The following EXOC6 variants were observed in gnomAD, a reference collection of about 807,000 sequenced individuals.
EXOC6 encodes the protein SEC15-like 1.
A neutral mutation model predicts 112.5 loss-of-function variants in EXOC6; 60 were observed. That is an observed-to-expected ratio of 0.53 (90% CI 0.43 to 0.66). EXOC6 has a LOEUF of 0.66. Among genes scored for constraint, EXOC6 ranks in the 30% least tolerant of loss-of-function variants. The pLI is 0.00. For synonymous variants in EXOC6, 295 were observed against 308.0 expected (o/e 0.96, Z 0.44); for missense variants, 855 against 957.1 (o/e 0.89, Z 1.41).
chr10:92,855,734 C>G (rs914850014), intron 1 of EXOC6, among the ~76,000 whole-genome samples: 5 of 151,958 alleles, frequency 3.3e-5, no homozygotes, highest in African/African-American at 1.2e-4. Flanking sequence ...GTAACATTCT[C>G]TCTTTTGTTC....
intron 15 of EXOC6, among the ~76,000 whole-genome samples, 169 bp downstream of exon 15, chr10:92,952,551 G>A (rs1281021409): frequency 2.6e-5 from 4 of 152,092 alleles, no homozygotes; most frequent in South Asian, 2.1e-4. Flanking sequence ...ATGCTTGAAC[G>A]TGTCACCCAG....
At chr10:92,867,796 A>G (rs1848251527) in intron 1 of EXOC6, among the ~76,000 whole-genome samples, 1 of 152,206 alleles carries the variant, frequency 6.6e-6, no homozygotes, top group Non-Finnish European at 1.5e-5. Context: ...ACTGGTCAGT[A>G]TCCACAGGGC....
At chr10:92,916,109 T>C in intron 7 of EXOC6, 196 bp downstream of exon 7, 1 of 422,162 alleles carries the variant, frequency 2.4e-6, no homozygotes. Flanking sequence ...AGGGCTGTCA[T>C]GGACGATTAG....
At chr10:92,890,404 GCATT>G (rs1480276333) in intron 1 of EXOC6, among the ~76,000 whole-genome samples, 3 of 126,650 alleles carry the variant, frequency 2.4e-5, no homozygotes, top group Non-Finnish European at 5.2e-5. Context: ...ATTAATTCAT[GCATT>G]TATTAATGAA....
At chr10:92,947,219 A>G (rs58753829) in intron 13 of EXOC6, among the ~76,000 whole-genome samples, 4,182 of 152,300 alleles carry the variant, frequency 0.027, 159 homozygotes, top group East Asian at 0.15. Context: ...ACAGAAACCC[A>G]CGATAGGTTT....
At chr10:92,929,369 A>G (rs1033999334) in intron 9 of EXOC6, among the ~76,000 whole-genome samples, 5 of 152,222 alleles carry the variant, frequency 3.3e-5, no homozygotes, top group Admixed American at 2.0e-4. Flanking sequence ...CTCAAGCTCA[A>G]CATTTCAAGT....
Position 92,840,818 on chromosome 10 carries a change from T to C in EXOC6, c.86+5994T>C, listed in dbSNP as rs112638885. On this transcript the variant is annotated intron_variant, in intron 1 of 21. Transcript: ENST00000371552. ...AACCACAGGTGTGTGCCACCATGCC[T>C]GGCTAGTTTTTGTATTTTTTGTAGA... Among the ~76,000 whole-genome samples, 1,314 of 151,834 alleles carry C rather than the reference T, an allele frequency of 8.7e-3. 11 individuals are homozygous for C. Among genetic ancestry groups the C allele is most frequent in the Non-Finnish European group, 0.012 (832 of 67,926 alleles).
At chr10:92,884,063 A>AT (rs566636454) in intron 1 of EXOC6, among the ~76,000 whole-genome samples, 352 of 151,956 alleles carry the variant, frequency 2.3e-3, no homozygotes, top group African/African-American at 8.3e-3. Flanking sequence ...CAACTGGCTA[A>AT]TTTTTTTGTA....
intron 20 of EXOC6, among the ~76,000 whole-genome samples, chr10:93,022,129 C>T (rs530451754): frequency 6.6e-6 from 1 of 152,312 alleles, no homozygotes; most frequent in South Asian, 2.1e-4. Context: ...GTTACTAAGA[C>T]ATACTTATAA....
intron 20 of EXOC6, among the ~76,000 whole-genome samples, chr10:93,019,641 T>C (rs1259956112): frequency 6.6e-6 from 1 of 152,154 alleles, no homozygotes; most frequent in African/African-American, 2.4e-5. Context: ...GTTGACTTTA[T>C]AAAGCCAATA....
At chr10:92,948,101 TTTG>T (rs1853146645) in intron 13 of EXOC6, 170 bp from the exon 14 acceptor site, 1 of 497,432 alleles carries the variant, frequency 2.0e-6, no homozygotes, top group Middle Eastern at 5.3e-4. Context: ...ACAAGACCTA[TTTG>T]TTGTTGAATT....
At position 92,955,456 on chromosome 10, in the gene EXOC6, C is replaced by T; in HGVS notation, c.1639-124C>T. 3 of 719,236 alleles carry T rather than the reference C, an allele frequency of 4.2e-6. No homozygotes were observed. The South Asian group carries it at 5.3e-5, about 13-fold the overall frequency. 44.6% of individuals were successfully genotyped at this position (719,236 alleles called of 1,614,324 possible). On this transcript the variant is annotated intron_variant, in intron 16 of 21. Transcript: ENST00000260762. ...GGCTTTTAAAATCAGATAGTTGTAT[C>T]CTATAATGCTGCAATTATGTAGAAA...
rs200749470 is a variant in EXOC6 at position 92,899,664 on chromosome 10, A to T, written c.458+20A>T. On this transcript the variant is annotated intron_variant, in intron 5 of 21. Transcript: ENST00000260762. ...CAAAAGGTGAGTTGGTTTTTTTCCTATTGTTTTAAATAAGAATTTTTTTCT... is the reference window on the plus strand; with the variant it reads ...CAAAAGGTGAGTTGGTTTTTTTCCTTTTGTTTTAAATAAGAATTTTTTTCT... The T allele has an allele frequency of 1.4e-5, 22 of 1,575,452 alleles. No homozygotes were observed. The highest frequency in any genetic ancestry group is 1.8e-5 in the Non-Finnish European group (21 of 1,150,642).
At chr10:92,934,562 A>C in intron 11 of EXOC6, 132 bp downstream of exon 11, 1 of 729,562 alleles carries the variant, frequency 1.4e-6, no homozygotes, top group Non-Finnish European at 2.0e-6. Context: ...ATTTGGAAGT[A>C]GTAATGTCAG....
At chr10:92,874,605 T>C (rs905575867) in intron 1 of EXOC6, among the ~76,000 whole-genome samples, 2 of 152,108 alleles carry the variant, frequency 1.3e-5, no homozygotes, top group South Asian at 4.1e-4. Flanking sequence ...TGTGAGCATC[T>C]TTGTCCAGGA....
At chr10:92,896,183 T>TA (rs1849811431) in intron 4 of EXOC6, among the ~76,000 whole-genome samples, 4 of 2,606 alleles carry the variant, frequency 1.5e-3, no homozygotes, top group Non-Finnish European at 2.2e-3. Context: ...ATATATATAT[T>TA]TTTTTTTTTT....
At chr10:93,025,670 A>G (rs1020351362) in intron 20 of EXOC6, among the ~76,000 whole-genome samples, 2 of 152,186 alleles carry the variant, frequency 1.3e-5, no homozygotes, top group African/African-American at 4.8e-5. Context: ...CCTTTGAATG[A>G]TATGTAGAGA....
At chr10:92,919,487 G>T (rs766291456) in intron 7 of EXOC6, among the ~76,000 whole-genome samples, 2 of 152,022 alleles carry the variant, frequency 1.3e-5, no homozygotes, top group African/African-American at 2.4e-5. Flanking sequence ...AAAGATGATG[G>T]TGTTATAGTT....
chr10:92,925,368 C>T (rs541052299), intron 8 of EXOC6, among the ~76,000 whole-genome samples: 15 of 151,986 alleles, frequency 9.9e-5, no homozygotes, highest in Non-Finnish European at 1.5e-4. Context: ...AATCTTGGCT[C>T]ACTGCAACCT....
Sources: gnomAD v4.1 joint callset for allele counts (sites outside exome capture counted in the v4.1 genomes callset) on GRCh38, gnomAD v4.1.1 for gene constraint, MANE v1.5 for transcripts, NCBI Gene and HGNC (gene_info 2026-07-23, HGNC 2026-07-21) for gene names.